The following COMMD1 variants were observed in gnomAD, a reference collection of about 807,000 sequenced individuals.
COMMD1 encodes COMM domain-containing protein 1.
In COMMD1, 10 loss-of-function variants were observed where a neutral mutation model predicts 17.2. That is an observed-to-expected ratio of 0.58 (90% CI 0.36 to 0.99). The LOEUF is 0.99. Among genes scored for constraint, COMMD1 ranks in the 50% least tolerant of loss-of-function variants. COMMD1 has a pLI of 0.01. For missense variants in COMMD1, 270 were observed against 231.8 expected (o/e 1.17, Z -1.07); for synonymous variants, 97 against 91.6 (o/e 1.06, Z -0.34).
At chr2:62,072,418 A>T (rs1188428168) in intron 2 of COMMD1, among the ~76,000 whole-genome samples, 1 of 152,140 alleles carries the variant, frequency 6.6e-6, no homozygotes, top group East Asian at 1.9e-4. Flanking sequence ...CATTGGGACT[A>T]CCTGCCTTCA....
chr2:62,128,719 G>A (rs1016842586), intron 2 of COMMD1, among the ~76,000 whole-genome samples: 3 of 152,102 alleles, frequency 2.0e-5, no homozygotes, highest in Non-Finnish European at 2.9e-5. Flanking sequence ...TTGGGAGGCC[G>A]AGGCAGGTGG....
intron 1 of COMMD1, among the ~76,000 whole-genome samples, chr2:61,943,500 G>A (rs1270489849): frequency 1.3e-5 from 2 of 152,190 alleles, no homozygotes; most frequent in East Asian, 3.8e-4. Context: ...ATGTGTCTCA[G>A]TTTCTCTTTC....
At chr2:62,085,106 C>T (rs1305151717) in intron 2 of COMMD1, among the ~76,000 whole-genome samples, 1 of 152,144 alleles carries the variant, frequency 6.6e-6, no homozygotes, top group Non-Finnish European at 1.5e-5. Flanking sequence ...GAATCTCTTT[C>T]ACATAGAGTT....
intron 1 of COMMD1, among the ~76,000 whole-genome samples, chr2:61,986,433 G>A (rs535874743): frequency 2.0e-5 from 3 of 151,686 alleles, no homozygotes; most frequent in African/African-American, 7.3e-5. Context: ...CTAGGTTGGG[G>A]ATGTTCTGTG....
At chr2:61,978,842 C>T (rs1051808645) in intron 1 of COMMD1, among the ~76,000 whole-genome samples, 3 of 152,116 alleles carry the variant, frequency 2.0e-5, no homozygotes, top group African/African-American at 7.2e-5. Context: ...CATAGCATCA[C>T]TTCTGCTATA....
intron 1 of COMMD1, among the ~76,000 whole-genome samples, chr2:61,909,880 G>A (rs1160144404): frequency 6.6e-6 from 1 of 152,174 alleles, no homozygotes; most frequent in East Asian, 1.9e-4. Flanking sequence ...CATGTTTTCA[G>A]GTTCAGGTGC....
At chr2:62,041,984 G>T (rs1215266960) in intron 2 of COMMD1, among the ~76,000 whole-genome samples, 1 of 152,196 alleles carries the variant, frequency 6.6e-6, no homozygotes, top group African/African-American at 2.4e-5. Flanking sequence ...GCCGCTGCTG[G>T]CTCTGGTGGC....
chr2:62,114,963 C>T (rs1230400346), intron 2 of COMMD1, among the ~76,000 whole-genome samples: 1 of 151,950 alleles, frequency 6.6e-6, no homozygotes, highest in Non-Finnish European at 1.5e-5. Flanking sequence ...TTTTTTTTCC[C>T]TTTGGGAAAG....
At chr2:62,009,146 GA>G (rs569201923) in intron 2 of COMMD1, among the ~76,000 whole-genome samples, 29 of 152,036 alleles carry the variant, frequency 1.9e-4, no homozygotes, top group Non-Finnish European at 3.8e-4. Context: ...ATCAGATTTA[GA>G]ACATGGAATT....
At chr2:61,923,171 A>G (rs1404199229) in intron 1 of COMMD1, among the ~76,000 whole-genome samples, 1 of 152,192 alleles carries the variant, frequency 6.6e-6, no homozygotes, top group Non-Finnish European at 1.5e-5. Flanking sequence ...TGGGATATCT[A>G]TCAAGATTTT....
chr2:62,039,636 A>T (rs1185265913), intron 2 of COMMD1, among the ~76,000 whole-genome samples: 2 of 152,232 alleles, frequency 1.3e-5, no homozygotes, highest in East Asian at 3.8e-4. Context: ...TTATGGAAAT[A>T]TAGGAAAGCA....
At chr2:62,097,178 T>C (rs1455517181) in intron 2 of COMMD1, among the ~76,000 whole-genome samples, 1 of 152,188 alleles carries the variant, frequency 6.6e-6, no homozygotes, top group Non-Finnish European at 1.5e-5. Context: ...AGCTCTTAGG[T>C]CTTGAACAAG....
intron 2 of COMMD1, among the ~76,000 whole-genome samples, chr2:62,052,984 A>G (rs529959730): frequency 1.3e-5 from 2 of 152,234 alleles, no homozygotes; most frequent in East Asian, 3.9e-4. Flanking sequence ...TGGGAAGATC[A>G]CTTCAGCCTT....
chr2:61,908,212 A>C (rs962655179), intron 1 of COMMD1, among the ~76,000 whole-genome samples: 1 of 151,372 alleles, frequency 6.6e-6, no homozygotes, highest in Admixed American at 6.6e-5. Context: ...ATTCAGTTCC[A>C]ATCTTTATTG....
intron 2 of COMMD1, among the ~76,000 whole-genome samples, chr2:62,119,503 C>G (rs1304909430): frequency 6.6e-6 from 1 of 152,114 alleles, no homozygotes; most frequent in Non-Finnish European, 1.5e-5. Context: ...AACTTTTTTT[C>G]CCCAAATCAG....
chr2:61,927,282 C>G (rs976081091), intron 1 of COMMD1, among the ~76,000 whole-genome samples: 1 of 152,188 alleles, frequency 6.6e-6, no homozygotes, highest in South Asian at 2.1e-4. Flanking sequence ...TGTAACTGGC[C>G]TTTTGGGAAA....
At chr2:62,021,635 G>A (rs1382164414) in intron 2 of COMMD1, among the ~76,000 whole-genome samples, 1 of 152,112 alleles carries the variant, frequency 6.6e-6, no homozygotes, top group East Asian at 1.9e-4. Context: ...AACTCTTTGA[G>A]TCAAGCAGAT....
At chr2:61,950,851 T>C (rs1442929515) in intron 1 of COMMD1, among the ~76,000 whole-genome samples, 4 of 152,164 alleles carry the variant, frequency 2.6e-5, no homozygotes, top group African/African-American at 9.7e-5. Context: ...ACTACTCAGA[T>C]TGGCGCACAA....
chr2:61,893,324 G>C (rs559195272), intron 1 of COMMD1, among the ~76,000 whole-genome samples: 1 of 151,848 alleles, frequency 6.6e-6, no homozygotes, highest in South Asian at 2.1e-4. Flanking sequence ...GTCTGAAAAT[G>C]GGAAGAGGTT....
Sources: gnomAD v4.1 joint callset for allele counts (sites outside exome capture counted in the v4.1 genomes callset) on GRCh38, gnomAD v4.1.1 for gene constraint, MANE v1.5 for transcripts, NCBI Gene and HGNC (gene_info 2026-07-23, HGNC 2026-07-21) for gene names.